Variants in RO60 observed in about 807,000 individuals in gnomAD.
The protein encoded by RO60 is RNA-binding protein RO60.
Under a neutral mutation model 55.3 loss-of-function variants are expected in RO60, and 20 were observed. The ratio of observed to expected loss-of-function variants is 0.36; its 90% confidence interval spans 0.25 to 0.53. The LOEUF (loss-of-function observed/expected upper bound fraction) is 0.53. Ranked by LOEUF, RO60 falls within the 20% of genes least tolerant of loss-of-function variation. The pLI is 0.92. For missense variants in RO60, 558 were observed against 646.6 expected (o/e 0.86, Z 1.49); for synonymous variants, 213 against 213.6 (o/e 1.00, Z 0.02).
At chr1:193,077,802 A>T (rs553650357) in intron 5 of RO60, among the ~76,000 whole-genome samples, 17 of 152,232 alleles carry the variant, frequency 1.1e-4, no homozygotes, top group African/African-American at 4.1e-4. Flanking sequence ...TGGGGATTAC[A>T]GTGAACATAA....
rs1007465893 is a variant in RO60, at chr1:193,088,316, A to G, written c.*3585A>G. ...CATGAGCCACTGCACCCAGCCAGCAAACATTCTCTTAATCTTTTAAAGTAA... is the reference window on the plus strand; with the variant it reads ...CATGAGCCACTGCACCCAGCCAGCAGACATTCTCTTAATCTTTTAAAGTAA... On this transcript the variant is annotated 3_prime_UTR_variant, in exon 9 of 9. Coordinates refer to ENST00000400968, the MANE Select transcript of RO60 (RefSeq NM_001173524.2). 66 of 151,914 alleles carry G rather than the reference A, an allele frequency of 4.3e-4. No individual in the cohort carries two copies. Among genetic ancestry groups the G allele is most frequent in the African/African-American group, 1.5e-3 (62 of 41,434 alleles). 9.4% of individuals were successfully genotyped at this position (151,914 alleles called of 1,614,324 possible). A position where few individuals can be genotyped will look rare whatever the true frequency, so the allele number is the denominator to read the frequency against.
intron 5 of RO60, 134 bp downstream of exon 5, chr1:193,077,184 T>G: frequency 2.3e-6 from 2 of 862,884 alleles, no homozygotes; most frequent in Non-Finnish European, 3.4e-6. Context: ...TTAGTTCATA[T>G]GTGGTGAGTA....
intron 5 of RO60, among the ~76,000 whole-genome samples, chr1:193,081,038 T>C (rs1356796835): frequency 1.3e-5 from 2 of 152,136 alleles, no homozygotes; most frequent in Non-Finnish European, 2.9e-5. Context: ...TTTACCACAA[T>C]AAAAATTTCC....
At position 193,076,530 on chromosome 1, in the gene RO60, G is replaced by A. The variant is rs377274290; in HGVS notation, c.831G>A (p.Pro277=). The change falls in exon 4 of 9, where the codon CCG becomes CCA. Residue 277 remains proline (P), a synonymous_variant. Transcript: ENST00000400968. ...EVWKALLQEM[P]LTALLRNLGK... The stretch of plus-strand genomic sequence containing the variant: ...GGAAGGCTTTGTTACAAGAAATGCC[G>A]CTTACTGCATTACTAAGGAATCTAG... 221 of 1,611,154 alleles carry A rather than the reference G, an allele frequency of 1.4e-4. 2 individuals carry two copies. In the South Asian group the frequency reaches 2.1e-3, roughly 16 times the overall value.
intron 1 of RO60, among the ~76,000 whole-genome samples, chr1:193,063,633 C>T (rs1384356154): frequency 6.6e-6 from 1 of 152,166 alleles, no homozygotes; most frequent in Non-Finnish European, 1.5e-5. Context: ...AATTCTGTAG[C>T]ATCAGCTGGG....
At chr1:193,066,968 C>T (rs1673150210) in intron 1 of RO60, among the ~76,000 whole-genome samples, 1 of 151,938 alleles carries the variant, frequency 6.6e-6, no homozygotes, top group Non-Finnish European at 1.5e-5. Flanking sequence ...TTTTATACTT[C>T]CTTGCTCACT....
chr1:193,065,469 T>C (rs1673041241), intron 1 of RO60, among the ~76,000 whole-genome samples: 1 of 152,164 alleles, frequency 6.6e-6, no homozygotes, highest in South Asian at 2.1e-4. Flanking sequence ...CAAATAAAAC[T>C]AATAAGCAGA....
intron 2 of RO60, among the ~76,000 whole-genome samples, chr1:193,073,405 T>C (rs1236585139): frequency 6.6e-6 from 1 of 152,232 alleles, no homozygotes; most frequent in African/African-American, 2.4e-5. Flanking sequence ...ATGAATTCTT[T>C]GTCATTATCT....
intron 8 of RO60, 27 bp from the exon 9 acceptor site, chr1:193,084,552 A>T (rs1674532190): frequency 1.9e-6 from 3 of 1,588,468 alleles, no homozygotes; most frequent in Non-Finnish European, 2.6e-6. Flanking sequence ...TTATGTTTTT[A>T]ATATGTATTT....
chr1:193,076,945 A>C lies in RO60; in HGVS notation c.981A>C (p.Ala327=). The C allele has an allele frequency of 6.2e-7, 1 of 1,612,700 alleles. No homozygotes were observed. The change falls in exon 5 of 9, where the codon GCA becomes GCC. Residue 327 remains alanine, a synonymous_variant. Transcript: ENST00000400968. ...ARIHPFHILI[A]LETYKTGHGL... is the part of the protein sequence containing the mutation. Reference sequence around the variant, plus strand: ...TACATCCATTTCATATTTTGATCGCATTAGAAACTTACAAGACAGGTCATG... The same window carrying C: ...TACATCCATTTCATATTTTGATCGCCTTAGAAACTTACAAGACAGGTCATG...
chr1:193,087,149 A>G lies in RO60; in HGVS notation c.*2418A>G, dbSNP rs1229016934. The G allele has an allele frequency of 6.6e-6, 1 of 152,172 alleles. No homozygotes were observed. The highest frequency in any genetic ancestry group is 1.5e-5 in the Non-Finnish European group (1 of 68,008). The allele number at this position is 152,172 out of a possible 1,614,324, so 9.4% of individuals were successfully genotyped here. Reference sequence around the variant, plus strand: ...GTAGAAAAATAGAATGGGAACATGTATAATCTTGTAATTCATAGGAATCCT... The same window carrying G: ...GTAGAAAAATAGAATGGGAACATGTGTAATCTTGTAATTCATAGGAATCCT... On this transcript the variant is annotated 3_prime_UTR_variant, in exon 9 of 9. Coordinates refer to ENST00000400968, the MANE Select transcript of RO60 (RefSeq NM_001173524.2).
chr1:193,089,511 G>A lies in RO60; in HGVS notation c.*4780G>A, dbSNP rs1674768200. ...ATTTTTCATGTATAAAACTAATAAT[G>A]TAGTTAAGCATACTGTTTGAATAAA... On this transcript the variant is annotated 3_prime_UTR_variant, in exon 9 of 9. Transcript: ENST00000400968. The A allele has an allele frequency of 2.0e-5, 3 of 151,930 alleles. No homozygotes were observed. The highest frequency in any genetic ancestry group is 6.5e-5 in the Admixed American group (1 of 15,270). The allele number at this position is 151,930 out of a possible 1,614,324, so 9.4% of individuals were successfully genotyped here.
At chr1:193,064,942 G>C (rs1273515646) in intron 1 of RO60, among the ~76,000 whole-genome samples, 1 of 152,050 alleles carries the variant, frequency 6.6e-6, no homozygotes, top group Non-Finnish European at 1.5e-5. Flanking sequence ...CAGAAATTTT[G>C]TTCTTAGATG....
chr1:193,060,500 CT>C (rs1194092921), intron 1 of RO60, among the ~76,000 whole-genome samples: 1 of 151,900 alleles, frequency 6.6e-6, no homozygotes, highest in Non-Finnish European at 1.5e-5. Flanking sequence ...CAAGAAAGAC[CT>C]TTGGCTTCCA....
At chr1:193,074,198 C>G (rs1407670516) in intron 2 of RO60, among the ~76,000 whole-genome samples, 2 of 152,112 alleles carry the variant, frequency 1.3e-5, no homozygotes, top group East Asian at 3.8e-4. Context: ...AATAAACATA[C>G]GTGTGCATGT....
chr1:193,061,637 A>G (rs1436344356), intron 1 of RO60, among the ~76,000 whole-genome samples: 2 of 152,242 alleles, frequency 1.3e-5, no homozygotes, highest in Admixed American at 6.5e-5. Flanking sequence ...TCTAAATTAA[A>G]TTTAAAAGTA....
chr1:193,084,852 A>G lies in RO60; in HGVS notation c.*121A>G. The G allele has an allele frequency of 2.0e-6, 3 of 1,502,534 alleles. No individual in the cohort carries two copies. The allele number at this position is 1,502,534 out of a possible 1,614,324, so 93.1% of individuals were successfully genotyped here. A position where few individuals can be genotyped will look rare whatever the true frequency, so the allele number is the denominator to read the frequency against. On this transcript the variant is annotated 3_prime_UTR_variant, in exon 9 of 9. Coordinates refer to ENST00000400968, the MANE Select transcript of RO60 (RefSeq NM_001173524.2). Reference sequence around the variant, plus strand: ...TGATGGTATAGTATGTGCATAATGGAAAGTTACCTTACTGAAAAAAAAAAA... The same window carrying G: ...TGATGGTATAGTATGTGCATAATGGGAAGTTACCTTACTGAAAAAAAAAAA...
At chr1:193,076,422 A>G (rs957202365) in intron 3 of RO60, 79 bp from the exon 4 acceptor site, 39 of 1,450,230 alleles carry the variant, frequency 2.7e-5, no homozygotes, top group Non-Finnish European at 3.5e-5. Context: ...CTGTATTATG[A>G]ATATTTTTTT....
At position 193,069,015 on chromosome 1, in the gene RO60, C is replaced by G; in HGVS notation, c.-21-19C>G. 1.3e-6 allele frequency: 2 copies of G among 1,539,054 alleles called. No homozygotes were observed. Among genetic ancestry groups the G allele is most frequent in the Non-Finnish European group, 1.8e-6 (2 of 1,129,120 alleles). ...TATTGTGCCCATCTAGTTGTAATAA[C>G]ATTTTGCCTTTTTGTTAGGTTTCCT... On this transcript the variant is annotated intron_variant, in intron 1 of 8. Transcript: ENST00000400968.
Sources: allele counts gnomAD v4.1 joint callset (sites outside exome capture counted in the v4.1 genomes callset), GRCh38; gene constraint gnomAD v4.1.1; transcripts MANE v1.5; gene names NCBI Gene and HGNC (gene_info 2026-07-23, HGNC 2026-07-21).